Variants in PCDHA1 observed in about 807,000 individuals in gnomAD.
PCDHA1 encodes protocadherin alpha-1.
A neutral mutation model predicts 61.3 loss-of-function variants in PCDHA1; 42 were observed. The observed-to-expected ratio is 0.69, with a 90% CI of 0.54 to 0.89. PCDHA1 has a LOEUF of 0.89. Among genes scored for constraint, PCDHA1 ranks in the 40% least tolerant of loss-of-function variants. The pLI is 0.00. For synonymous variants in PCDHA1, 610 were observed against 553.8 expected, an observed-to-expected ratio of 1.10 and a Z score of -1.43; for missense variants, 1,256 against 1,235.3, an observed-to-expected ratio of 1.02 and a Z score of -0.25.
rs2150109820 is a variant in PCDHA1 at position 140,821,551 on chromosome 5, A to G, written c.2394+32867A>G. ...ATAAAACACTTACCCTTTCATCCAC[A>G]TGATGTCGCTGGACACCGGAAGGTT... is the stretch of plus-strand genomic sequence containing the variant. On this transcript the variant is annotated intron_variant, in intron 1 of 3. Transcript: ENST00000504120. 1.7e-4 allele frequency: 85 copies of G among 506,706 alleles called. 1 individual carries two copies. The South Asian group carries it at 3.0e-3, about 18-fold the overall frequency. 31.4% of individuals were successfully genotyped at this position (506,706 alleles called of 1,614,324 possible).
chr5:140,928,635 A>G lies in PCDHA1; in HGVS notation c.2395-50314A>G, dbSNP rs148091714. On this transcript the variant is annotated intron_variant, in intron 1 of 3. Transcript: ENST00000504120. ...CTGCCAGGACTGGACACTTGGTCAC[A>G]AAAGTGGTAGCAGAGGATGCTGACA... is the stretch of plus-strand genomic sequence containing the variant. 6 of 1,614,104 alleles carry G rather than the reference A, an allele frequency of 3.7e-6. No individual in the cohort carries two copies. The Middle Eastern group carries it at 4.9e-4, about 133-fold the overall frequency.
intron 1 of PCDHA1, among the ~76,000 whole-genome samples, chr5:140,897,618 T>C: frequency 6.6e-6 from 1 of 152,172 alleles, no homozygotes; most frequent in Non-Finnish European, 1.5e-5. Flanking sequence ...TTCCAAGTCT[T>C]TACTATTGTG....
At position 140,787,656 on chromosome 5, in the gene PCDHA1, G is replaced by A. The variant is rs781972006; in HGVS notation, c.1366G>A (p.Ala456Thr). 2.5e-6 allele frequency: 4 copies of A among 1,613,652 alleles called. No individual in the cohort carries two copies. Among genetic ancestry groups the A allele is most frequent in the Admixed American group, 1.7e-5 (1 of 59,992 alleles). The change falls in exon 1 of 4, where the codon GCG becomes ACG. Residue 456 changes from alanine (A) to threonine (T), a missense_variant. Ala to Thr is a moderately conservative substitution (Grantham distance 58). Coordinates refer to ENST00000504120, the MANE Select transcript of PCDHA1 (RefSeq NM_018900.4). ...CGTGAATGACAACGCGCCTGCGTTC[G>A]CGCAGCCCGAGTACACAGTATTCGT... ...ADVNDNAPAFAQPEYTVFVKE... is the reference protein window; with the variant it reads ...ADVNDNAPAFTQPEYTVFVKE...
At chr5:140,989,315 C>T (rs1285439327) in intron 3 of PCDHA1, among the ~76,000 whole-genome samples, 1 of 152,130 alleles carries the variant, frequency 6.6e-6, no homozygotes, top group East Asian at 1.9e-4. Flanking sequence ...AGTAGGGTCT[C>T]ACCAACTTTG....
chr5:140,949,679 T>A (rs246046), intron 1 of PCDHA1, among the ~76,000 whole-genome samples: 85,531 of 151,538 alleles, frequency 0.56, 24,739 homozygotes, highest in African/African-American at 0.69. Context: ...ATGCCCTTGT[T>A]GAAGCGTATT....
intron 1 of PCDHA1, among the ~76,000 whole-genome samples, chr5:140,941,231 C>CTTTCTTTCTTTCTTTCTT (rs2092927472): frequency 2.2e-5 from 3 of 136,876 alleles, no homozygotes; most frequent in African/African-American, 8.3e-5. Context: ...TTCTTTCTTT[C>CTTTCTTTCTTTCTTTCTT]TTTCTTTCTT....
intron 1 of PCDHA1, among the ~76,000 whole-genome samples, chr5:140,947,661 T>C (rs2094159982): frequency 6.6e-6 from 1 of 151,672 alleles, no homozygotes; most frequent in South Asian, 2.1e-4. Context: ...CTCCATTTAC[T>C]TGGGTCTTTA....
At chr5:140,871,564 C>T (rs782409405) in intron 1 of PCDHA1, 16 of 1,482,712 alleles carry the variant, frequency 1.1e-5, no homozygotes, top group East Asian at 2.5e-5. Flanking sequence ...TTTTTTTTCA[C>T]GGATTTTTTA....
At chr5:140,795,708 A>G in intron 1 of PCDHA1, 1 of 1,614,162 alleles carries the variant, frequency 6.2e-7, no homozygotes, top group Non-Finnish European at 8.5e-7. Flanking sequence ...CAGTTTACAA[A>G]GTAAAATTGT....
intron 1 of PCDHA1, among the ~76,000 whole-genome samples, chr5:140,956,132 C>G (rs782171826): frequency 2.6e-5 from 4 of 152,028 alleles, no homozygotes; most frequent in Admixed American, 6.6e-5. Context: ...ATTTGAATAC[C>G]CTTTATTTCT....
intron 1 of PCDHA1, among the ~76,000 whole-genome samples, chr5:140,933,588 G>A (rs2089253151): frequency 6.6e-6 from 1 of 151,988 alleles, no homozygotes; most frequent in Non-Finnish European, 1.5e-5. Flanking sequence ...TGGGTTTTTA[G>A]GTTGATTTGT....
At chr5:140,825,878 G>T (rs1768749257) in intron 1 of PCDHA1, 1 of 152,366 alleles carries the variant, frequency 6.6e-6, no homozygotes, top group Non-Finnish European at 1.5e-5. Context: ...TTTACAAAGA[G>T]TTGTTTATTA....
At chr5:140,859,562 C>A in intron 1 of PCDHA1, 1 of 176,644 alleles carries the variant, frequency 5.7e-6, no homozygotes, top group Non-Finnish European at 1.2e-5. Flanking sequence ...ACACCAATGC[C>A]ATGAATTTGT....
chr5:140,788,213 C>T lies in PCDHA1; in HGVS notation c.1923C>T (p.Asp641=), dbSNP rs782288159. 1.2e-6 allele frequency: 2 copies of T among 1,614,068 alleles called. No homozygotes were observed. The highest frequency in any genetic ancestry group is 1.3e-5 in the African/African-American group (1 of 75,066). Residue 641 remains aspartate, a synonymous_variant, in exon 1 of 4, where the codon GAC becomes GAT. Coordinates refer to ENST00000504120, the MANE Select transcript of PCDHA1 (RefSeq NM_018900.4). ...ISTTRVLDEA[D]LSRYRLLVLV... is the part of the protein sequence containing the mutation. ...CGACTCGTGTCCTGGACGAGGCTGACTTGTCGCGCTACCGCCTTCTGGTGC... is the reference window on the plus strand; with the variant it reads ...CGACTCGTGTCCTGGACGAGGCTGATTTGTCGCGCTACCGCCTTCTGGTGC...
At position 140,788,335 on chromosome 5, in the gene PCDHA1, C is replaced by A. The variant is rs781866633; in HGVS notation, c.2045C>A (p.Ala682Glu). ...SGQAPKASSR[A>E]SVGVAGPEAA... ...CAGGCGCCAAAGGCGTCTTCGCGGG[C>A]GTCGGTGGGTGTCGCGGGCCCAGAG... Residue 682 changes from alanine (A) to glutamate (E), a missense_variant, in exon 1 of 4, where the codon GCG (alanine) becomes GAG (glutamate). Ala to Glu is a moderately radical substitution (Grantham distance 107). Coordinates refer to ENST00000504120, the MANE Select transcript of PCDHA1 (RefSeq NM_018900.4). 1 of 1,613,816 alleles carries A rather than the reference C, an allele frequency of 6.2e-7. No individual in the cohort carries two copies. The highest frequency in any genetic ancestry group is 1.7e-5 in the Admixed American group (1 of 60,000).
chr5:140,963,932 A>C (rs564788639), intron 1 of PCDHA1, among the ~76,000 whole-genome samples: 74 of 152,352 alleles, frequency 4.9e-4, no homozygotes, highest in African/African-American at 1.6e-3. Context: ...ACATGTCCAT[A>C]GCCAAACAGT....
At chr5:140,859,390 C>G (rs911308831) in intron 1 of PCDHA1, 1 of 268,000 alleles carries the variant, frequency 3.7e-6, no homozygotes, top group Non-Finnish European at 6.7e-6. Flanking sequence ...CTCTAGTCAT[C>G]TTAAACAGGG....
chr5:140,827,381 C>A, intron 1 of PCDHA1, among the ~76,000 whole-genome samples: 1 of 152,258 alleles, frequency 6.6e-6, no homozygotes, highest in South Asian at 2.1e-4. Flanking sequence ...CTAATATAAG[C>A]TGCAGATAAA....
chr5:140,919,733 AG>A (rs1426663186), intron 1 of PCDHA1, among the ~76,000 whole-genome samples: 1 of 152,194 alleles, frequency 6.6e-6, no homozygotes, highest in Admixed American at 6.5e-5. Flanking sequence ...TGTTACTTCT[AG>A]ATAGCTTTAT....
Sources: gnomAD v4.1 joint callset for allele counts (sites outside exome capture counted in the v4.1 genomes callset) on GRCh38, gnomAD v4.1.1 for gene constraint, MANE v1.5 for transcripts, NCBI Gene and HGNC (gene_info 2026-07-23, HGNC 2026-07-21) for gene names.